The following PXK variants were observed in gnomAD, a reference collection of about 807,000 sequenced individuals.
The protein encoded by PXK is PX domain-containing protein kinase-like protein.
Under a neutral mutation model 84.7 loss-of-function variants are expected in PXK, and 35 were observed. That is an observed-to-expected ratio of 0.41 (90% CI 0.32 to 0.55). The LOEUF is 0.55. Among genes scored for constraint, PXK ranks in the 20% least tolerant of loss-of-function variants. PXK has a pLI of 0.21. For synonymous variants in PXK, 253 were observed against 260.8 expected (o/e 0.97, Z 0.29); for missense variants, 634 against 699.7 (o/e 0.91, Z 1.06).
At chr3:58,338,389 G>A (rs1164958068) in intron 1 of PXK, among the ~76,000 whole-genome samples, 1 of 151,906 alleles carries the variant, frequency 6.6e-6, no homozygotes, top group Admixed American at 6.6e-5. Flanking sequence ...TTGGGAGGCT[G>A]AGGCGGGTGG....
chr3:58,355,329 T>G (rs966117566), intron 1 of PXK, among the ~76,000 whole-genome samples: 1 of 152,138 alleles, frequency 6.6e-6, no homozygotes, highest in Non-Finnish European at 1.5e-5. Context: ...AAAACATCTC[T>G]GAACAGCTGC....
intron 17 of PXK, chr3:58,422,912 C>T: frequency 2.0e-6 from 2 of 985,418 alleles, no homozygotes; most frequent in Non-Finnish European, 2.4e-6. Context: ...AAGCACAAAC[C>T]TGGGAGGCAG....
At chr3:58,422,180 A>G (rs963521077) in intron 17 of PXK, 3 of 985,320 alleles carry the variant, frequency 3.0e-6, no homozygotes, top group African/African-American at 1.7e-5. Flanking sequence ...GGAAAAGCCA[A>G]AAACAATCAA....
intron 1 of PXK, among the ~76,000 whole-genome samples, chr3:58,342,970 T>A (rs1258580941): frequency 2.0e-5 from 3 of 152,182 alleles, no homozygotes; most frequent in African/African-American, 7.2e-5. Context: ...AGCACCTCTT[T>A]ATAATATTTA....
intron 1 of PXK, 30 bp from the exon 2 acceptor site, chr3:58,365,844 C>T (rs767353716): frequency 1.3e-6 from 2 of 1,484,552 alleles, no homozygotes; most frequent in Non-Finnish European, 1.8e-6. Context: ...AGTTTTATAA[C>T]TGAGGTTATT....
At chr3:58,411,000 A>G (rs2060122444) in intron 16 of PXK, among the ~76,000 whole-genome samples, 1 of 152,206 alleles carries the variant, frequency 6.6e-6, no homozygotes, top group South Asian at 2.1e-4. Flanking sequence ...AGGGGTTAGC[A>G]TCCAAAGCCC....
At chr3:58,415,375 C>G (rs772978332) in intron 17 of PXK, among the ~76,000 whole-genome samples, 1 of 152,184 alleles carries the variant, frequency 6.6e-6, no homozygotes, top group Non-Finnish European at 1.5e-5. Flanking sequence ...GAGTTCCCAC[C>G]GTTAATTTGC....
chr3:58,359,627 T>TA (rs1158233747), intron 1 of PXK, among the ~76,000 whole-genome samples: 3 of 151,682 alleles, frequency 2.0e-5, no homozygotes, highest in Admixed American at 6.6e-5. Context: ...CCTCTAGACA[T>TA]AAAAAAAACA....
chr3:58,342,647 A>AAAAAAAAG (rs1553743386), intron 1 of PXK, among the ~76,000 whole-genome samples: 1 of 138,748 alleles, frequency 7.2e-6, no homozygotes, highest in African/African-American at 2.9e-5. Context: ...AAAAAAAAAA[A>AAAAAAAAG]AAAAGAAAAG....
chr3:58,404,006 T>C, intron 13 of PXK, 96 bp downstream of exon 13: 5 of 791,580 alleles, frequency 6.3e-6, no homozygotes, highest in Non-Finnish European at 9.2e-6. Context: ...AGATATATAA[T>C]AGGGAAAATT....
At chr3:58,344,703 C>T (rs1228897413) in intron 1 of PXK, among the ~76,000 whole-genome samples, 1 of 152,220 alleles carries the variant, frequency 6.6e-6, no homozygotes, top group Non-Finnish European at 1.5e-5. Flanking sequence ...TGGTGGGCAC[C>T]TGTAATCCCA....
intron 1 of PXK, among the ~76,000 whole-genome samples, chr3:58,340,725 C>CA (rs112156597): frequency 0.04 from 5,474 of 136,372 alleles, 331 homozygotes; most frequent in African/African-American, 0.13. Flanking sequence ...AACTCTGTCT[C>CA]AAAAAAAAAA....
Position 58,382,485 on chromosome 3 carries a change from AGTGTAACTTTTTTTT to A in PXK, c.202-28_202-14del. On this transcript the variant is annotated splice_polypyrimidine_tract_variant and intron_variant, in intron 3 of 17. Transcript: ENST00000356151. ...TTGATTCTTATTTGTGGATGACATG[AGTGTAACTTTTTTTT>A]TTTTTTTTTAAAGATTGCAGGCCTA... 7.5e-7 allele frequency: 1 copy of A among 1,335,638 alleles called. No individual in the cohort carries two copies. The highest frequency in any genetic ancestry group is 1.5e-5 in the South Asian group (1 of 67,940). 82.7% of individuals were successfully genotyped at this position (1,335,638 alleles called of 1,614,324 possible). A position where few individuals can be genotyped will look rare whatever the true frequency, so the allele number is the denominator to read the frequency against.
chr3:58,356,078 T>A (rs2098073142), intron 1 of PXK, among the ~76,000 whole-genome samples: 1 of 152,184 alleles, frequency 6.6e-6, no homozygotes, highest in African/African-American at 2.4e-5. Context: ...TTTAAGTTAA[T>A]TATCTCTTTT....
At chr3:58,380,453 T>G (rs972835224) in intron 3 of PXK, among the ~76,000 whole-genome samples, 1 of 146,208 alleles carries the variant, frequency 6.8e-6, no homozygotes, top group Non-Finnish European at 1.5e-5. Context: ...AAAAAAGGCA[T>G]CAATATGCTT....
rs752411806 is a variant in PXK at position 58,386,290 on chromosome 3, C to CT, written c.388+3613dup. ...CTATCTCACACATATATCCCCCTTACTTTTTTTTTTTTTTTTTTTTTTTGA... is the reference window on the plus strand; with the variant it reads ...CTATCTCACACATATATCCCCCTTACTTTTTTTTTTTTTTTTTTTTTTTTGA... On this transcript the variant is annotated intron_variant, in intron 4 of 17. Transcript: ENST00000356151. Among the ~76,000 whole-genome samples the CT allele has an allele frequency of 2.7e-3, 220 of 82,240 alleles. 9 individuals carry two copies. The highest frequency in any genetic ancestry group is 4.2e-3 in the Admixed American group (22 of 5,240). The allele number at this position is 82,240 out of a possible 152,430, so 54.0% of individuals were successfully genotyped here.
intron 1 of PXK, among the ~76,000 whole-genome samples, chr3:58,357,644 T>G (rs1295184313): frequency 6.6e-6 from 1 of 152,182 alleles, no homozygotes; most frequent in East Asian, 1.9e-4. Context: ...TTAGCTCCAT[T>G]ATAATCTTAT....
chr3:58,349,111 G>A (rs1253820703), intron 1 of PXK, among the ~76,000 whole-genome samples: 2 of 151,142 alleles, frequency 1.3e-5, no homozygotes, highest in Non-Finnish European at 2.9e-5. Context: ...GCTCATGCCT[G>A]TAGCCCCAGT....
At chr3:58,403,622 T>C (rs1337160353) in intron 12 of PXK, among the ~76,000 whole-genome samples, 1 of 152,186 alleles carries the variant, frequency 6.6e-6, no homozygotes, top group African/African-American at 2.4e-5. Context: ...GGAAACCCCC[T>C]CTAGTACACA....
Sources: gnomAD v4.1 joint callset for allele counts (sites outside exome capture counted in the v4.1 genomes callset) on GRCh38, gnomAD v4.1.1 for gene constraint, MANE v1.5 for transcripts, NCBI Gene and HGNC (gene_info 2026-07-23, HGNC 2026-07-21) for gene names.